The following TRMT11 variants were observed in gnomAD, a reference collection of about 807,000 sequenced individuals.
TRMT11 encodes the protein tRNA (guanine(10)-N(2))-methyltransferase TRMT11.
A neutral mutation model predicts 62.8 loss-of-function variants in TRMT11; 53 were observed. The ratio of observed to expected loss-of-function variants is 0.84; its 90% CI spans 0.68 to 1.06. The LOEUF is 1.06. TRMT11 is among the 50% of genes least tolerant of loss of function. The probability of loss-of-function intolerance (pLI) is 0.00; values close to 1 mark genes in which losing one functional copy is unlikely to be tolerated. For synonymous variants in TRMT11, 188 were observed against 190.3 expected, an observed-to-expected ratio of 0.99 and a Z score of 0.10; for missense variants, 556 against 553.4, an observed-to-expected ratio of 1.00 and a Z score of -0.05.
chr6:126,146,073 G>A (rs1461716646), intron 21 of TRMT11, among the ~76,000 whole-genome samples: 1 of 152,034 alleles, frequency 6.6e-6, no homozygotes, highest in Non-Finnish European at 1.5e-5. Context: ...TAACCTTCAG[G>A]AAAAAGACAA....
At chr6:126,071,222 G>A (rs947634522) in intron 17 of TRMT11, among the ~76,000 whole-genome samples, 8 of 151,876 alleles carry the variant, frequency 5.3e-5, no homozygotes, top group Admixed American at 2.6e-4. Flanking sequence ...TGTTTCCTTG[G>A]GGGGGTGGGG....
the TRMT11 span, among the ~76,000 whole-genome samples, chr6:126,268,921 A>G: frequency 6.6e-5 from 10 of 152,158 alleles, no homozygotes; most frequent in African/African-American, 2.4e-4. Flanking sequence ...AATTAATTAT[A>G]AAATAATATG....
the TRMT11 span, among the ~76,000 whole-genome samples, chr6:126,259,275 C>T: frequency 6.6e-5 from 10 of 152,344 alleles, no homozygotes; most frequent in East Asian, 1.9e-3. Flanking sequence ...TGACTCACTG[C>T]AACCTCTGTC....
chr6:126,140,921 A>G (rs375931098), intron 21 of TRMT11, among the ~76,000 whole-genome samples: 3 of 152,204 alleles, frequency 2.0e-5, no homozygotes, highest in South Asian at 2.1e-4. Context: ...AGAATTAAAA[A>G]ATGCTTCGAA....
chr6:126,180,393 C>G (rs1376647991), intron 1 of TRMT11, among the ~76,000 whole-genome samples: 2 of 152,154 alleles, frequency 1.3e-5, no homozygotes, highest in Non-Finnish European at 2.9e-5. Context: ...CACCTTCATT[C>G]ATTACACAGT....
chr6:126,118,430 A>G (rs1322627520), intron 21 of TRMT11, among the ~76,000 whole-genome samples: 2 of 152,112 alleles, frequency 1.3e-5, no homozygotes, highest in African/African-American at 4.8e-5. Context: ...CTCTAAAACA[A>G]TACTAAACAA....
At chr6:126,174,877 G>A (rs978838689), upstream of TRMT11, among the ~76,000 whole-genome samples, 27 of 152,112 alleles carry the variant, frequency 1.8e-4, no homozygotes, top group African/African-American at 6.3e-4. Context: ...AGAGTGAGTC[G>A]CAAAAAGAGA....
intron 21 of TRMT11, among the ~76,000 whole-genome samples, chr6:126,166,516 C>T (rs1216039023): frequency 6.6e-6 from 1 of 152,152 alleles, no homozygotes; most frequent in Non-Finnish European, 1.5e-5. Flanking sequence ...AGCTTCGTCC[C>T]AGAGGGGCAC....
intron 21 of TRMT11, among the ~76,000 whole-genome samples, chr6:126,151,056 T>C (rs1334278495): frequency 6.6e-6 from 1 of 152,218 alleles, no homozygotes; most frequent in African/African-American, 2.4e-5. Flanking sequence ...TTAGAATTAT[T>C]AGTTCTCATT....
At chr6:126,174,016 C>T (rs762117837), upstream of TRMT11, among the ~76,000 whole-genome samples, 4 of 152,274 alleles carry the variant, frequency 2.6e-5, no homozygotes, top group Non-Finnish European at 4.4e-5. Flanking sequence ...AAAGTGTGTT[C>T]CTAGGAGCTT....
the TRMT11 span, among the ~76,000 whole-genome samples, chr6:126,260,292 C>G: frequency 6.6e-6 from 1 of 152,190 alleles, no homozygotes; most frequent in African/African-American, 2.4e-5. Flanking sequence ...CTGATAGCAA[C>G]TTAACCTTGG....
intron 21 of TRMT11, among the ~76,000 whole-genome samples, chr6:126,129,648 A>G (rs1777757956): frequency 6.6e-6 from 1 of 151,934 alleles, no homozygotes; most frequent in Non-Finnish European, 1.5e-5. Flanking sequence ...TCAGCCTCCT[A>G]AGTAGCTGGG....
Position 126,131,969 on chromosome 6 carries a change from G to A in TRMT11, c.*1823+16114G>A, listed in dbSNP as rs56958560. Among the ~76,000 whole-genome samples, 1,005 of 152,086 alleles carry A rather than the reference G, an allele frequency of 6.6e-3. 15 individuals carry two copies. Among genetic ancestry groups the A allele is most frequent in the East Asian group, 0.042 (218 of 5,154 alleles). ...GCAACTTAATGGCATAATGACTAGG[G>A]TCATTTATTCATGGTTGGTTGTTCT... On this transcript the variant is annotated intron_variant and NMD_transcript_variant, in intron 21 of 22. Transcript: ENST00000648977.
chr6:126,219,113 T>C, the TRMT11 span, among the ~76,000 whole-genome samples: 3 of 152,226 alleles, frequency 2.0e-5, no homozygotes, highest in African/African-American at 7.2e-5. Flanking sequence ...ACGACTGTCA[T>C]TCCTACCCTG....
At chr6:126,010,384 A>G (rs1793997034) in intron 8 of TRMT11, among the ~76,000 whole-genome samples, 1 of 151,918 alleles carries the variant, frequency 6.6e-6, no homozygotes, top group Admixed American at 6.6e-5. Context: ...CCAGGCGTCT[A>G]CCTATCTTTG....
At chr6:126,031,955 G>A (rs564881309) in intron 12 of TRMT11, among the ~76,000 whole-genome samples, 1 of 152,216 alleles carries the variant, frequency 6.6e-6, no homozygotes, top group Non-Finnish European at 1.5e-5. Flanking sequence ...GAGATTGTAG[G>A]GGACTTGTTG....
chr6:126,225,697 T>A, the TRMT11 span, among the ~76,000 whole-genome samples: 4 of 83,526 alleles, frequency 4.8e-5, no homozygotes, highest in African/African-American at 1.2e-4. Flanking sequence ...TTTTTTTTTT[T>A]TTTTTTTTTT....
chr6:126,165,217 G>A (rs960294174), intron 21 of TRMT11, among the ~76,000 whole-genome samples: 3 of 151,558 alleles, frequency 2.0e-5, no homozygotes, highest in Admixed American at 1.3e-4. Flanking sequence ...GACGGAGGTT[G>A]CACTGAGCCG....
chr6:126,117,959 C>T (rs1430049991), intron 21 of TRMT11, among the ~76,000 whole-genome samples: 1 of 152,076 alleles, frequency 6.6e-6, no homozygotes, highest in South Asian at 2.1e-4. Context: ...GGATCTTTTA[C>T]AGAGGCTGGA....
Sources: allele counts gnomAD v4.1 joint callset (sites outside exome capture counted in the v4.1 genomes callset), GRCh38; gene constraint gnomAD v4.1.1; transcripts MANE v1.5; gene names NCBI Gene and HGNC (gene_info 2026-07-23, HGNC 2026-07-21).